RNF182: variants seen among roughly 807,000 people sequenced by gnomAD.
The protein encoded by RNF182 is ring finger protein 182, also known as E3 ubiquitin-protein ligase RNF182.
A neutral mutation model predicts 14.4 loss-of-function variants in RNF182; 15 were observed. The observed-to-expected ratio is 1.04, with a 90% CI of 0.70 to 1.60. The LOEUF (loss-of-function observed/expected upper bound fraction) is 1.60. Among genes scored for constraint, RNF182 ranks in the 40% most tolerant of loss-of-function variants. The probability of loss-of-function intolerance (pLI) is 0.00; values close to 1 mark genes in which losing one functional copy is unlikely to be tolerated. For missense variants in RNF182, 268 were observed against 294.8 expected, an observed-to-expected ratio of 0.91 and a Z score of 0.67; for synonymous variants, 128 against 122.9, an observed-to-expected ratio of 1.04 and a Z score of -0.27.
chr6:13,960,583 A>C (rs1340126411), intron 1 of RNF182, among the ~76,000 whole-genome samples: 1 of 152,136 alleles, frequency 6.6e-6, no homozygotes. Flanking sequence ...AAATGTATTG[A>C]TGAAGGACAG....
intron 1 of RNF182, chr6:13,949,433 A>G: frequency 1.4e-6 from 1 of 713,272 alleles, no homozygotes; most frequent in Non-Finnish European, 2.6e-6. Context: ...TGTCATCTAT[A>G]GGTTTCTTTG....
rs1002747395 is a variant in RNF182 at position 13,925,026 on chromosome 6, A to G, written c.-367+3A>G. Reference sequence around the variant, plus strand: ...GGCCCTGGGCCGCCGCCGGCCAGGTAAGGCGATCGCGCCCGCGGCCGGGGA... The same window carrying G: ...GGCCCTGGGCCGCCGCCGGCCAGGTGAGGCGATCGCGCCCGCGGCCGGGGA... On this transcript the variant is annotated splice_donor_region_variant and intron_variant, in intron 1 of 2. Transcript: ENST00000488300. The G allele has an allele frequency of 2.7e-4, 1 of 3,678 alleles. No homozygotes were observed. Among genetic ancestry groups the G allele is most frequent in the Non-Finnish European group, 6.2e-4 (1 of 1,618 alleles). The allele number at this position is 3,678 out of a possible 1,614,324, so 0.2% of individuals were successfully genotyped here.
chr6:13,928,474 G>A (rs916123600), intron 1 of RNF182, among the ~76,000 whole-genome samples: 132 of 151,900 alleles, frequency 8.7e-4, no homozygotes, highest in Non-Finnish European at 1.5e-3. Flanking sequence ...TTTGTTTTCA[G>A]CCTTCCTTTT....
At chr6:13,967,784 C>A (rs2113640071) in intron 1 of RNF182, among the ~76,000 whole-genome samples, 1 of 152,076 alleles carries the variant, frequency 6.6e-6, no homozygotes, top group East Asian at 1.9e-4. Flanking sequence ...CCTGGCTAGT[C>A]TCAAACTCCT....
intron 1 of RNF182, among the ~76,000 whole-genome samples, chr6:13,938,888 G>A (rs541597163): frequency 1.3e-5 from 2 of 152,216 alleles, no homozygotes; most frequent in African/African-American, 4.8e-5. Flanking sequence ...TTTGAGACCA[G>A]CCTGGCCAAC....
At chr6:13,951,276 G>A (rs1759584292) in intron 1 of RNF182, among the ~76,000 whole-genome samples, 2 of 152,142 alleles carry the variant, frequency 1.3e-5, no homozygotes, top group African/African-American at 4.8e-5. Flanking sequence ...CAAGGAACAG[G>A]GTCAGGAAAG....
intron 1 of RNF182, among the ~76,000 whole-genome samples, chr6:13,941,490 C>T (rs903593121): frequency 6.6e-6 from 1 of 152,020 alleles, no homozygotes; most frequent in Non-Finnish European, 1.5e-5. Flanking sequence ...CTTATCTCAC[C>T]TGACAGTCTT....
Position 13,978,058 on chromosome 6 carries a change from A to G in RNF182, c.*195A>G. ...TGTTCATTTCTACTTAGGGGTTAGC[A>G]AAATTGTATAAGCTCACACTTCATG... On this transcript the variant is annotated 3_prime_UTR_variant, in exon 3 of 3. Coordinates refer to ENST00000488300, the MANE Select transcript of RNF182 (RefSeq NM_152737.4). 3.4e-6 allele frequency: 2 copies of G among 581,920 alleles called. No individual in the cohort carries two copies. Among genetic ancestry groups the G allele is most frequent in the Non-Finnish European group, 6.0e-6 (2 of 331,340 alleles). The allele number at this position is 581,920 out of a possible 1,614,324, so 36.0% of individuals were successfully genotyped here. A position where few individuals can be genotyped will look rare whatever the true frequency, so the allele number is the denominator to read the frequency against.
intron 1 of RNF182, among the ~76,000 whole-genome samples, chr6:13,960,889 T>C (rs917111029): frequency 6.6e-6 from 1 of 152,128 alleles, no homozygotes; most frequent in African/African-American, 2.4e-5. Context: ...AGGAAGAAAT[T>C]AATAGGAAAG....
chr6:13,956,312 C>CTT (rs200201661), intron 1 of RNF182, among the ~76,000 whole-genome samples: 1 of 140,058 alleles, frequency 7.1e-6, no homozygotes, highest in Non-Finnish European at 1.6e-5. Flanking sequence ...CTGTTCTTTG[C>CTT]TTTTTTTTTT....
intron 1 of RNF182, among the ~76,000 whole-genome samples, chr6:13,931,012 G>C (rs761023450): frequency 6.6e-6 from 1 of 151,922 alleles, no homozygotes; most frequent in Admixed American, 6.6e-5. Flanking sequence ...GGAAAGAGTG[G>C]CAGTTGAGGA....
chr6:13,971,878 A>C (rs1340232105), intron 1 of RNF182, among the ~76,000 whole-genome samples: 1 of 152,184 alleles, frequency 6.6e-6, no homozygotes, highest in Non-Finnish European at 1.5e-5. Context: ...GAGAGAGATG[A>C]TTTAGGGTAT....
Position 13,978,230 on chromosome 6 carries a change from G to T in RNF182, c.*367G>T. ...TCATGGATGTTCTATGATGGCAGTTGGACACAAGAGGAAAGTTGCTCTGAG... is the reference window on the plus strand; with the variant it reads ...TCATGGATGTTCTATGATGGCAGTTTGACACAAGAGGAAAGTTGCTCTGAG... On this transcript the variant is annotated 3_prime_UTR_variant, in exon 3 of 3. Transcript: ENST00000488300. 5.3e-6 allele frequency: 1 copy of T among 189,992 alleles called. No individual in the cohort carries two copies. The highest frequency in any genetic ancestry group is 1.2e-5 in the Non-Finnish European group (1 of 81,436). 11.8% of individuals were successfully genotyped at this position (189,992 alleles called of 1,614,324 possible).
intron 1 of RNF182, among the ~76,000 whole-genome samples, chr6:13,930,706 T>C (rs1306203128): frequency 1.3e-5 from 2 of 152,220 alleles, no homozygotes; most frequent in Non-Finnish European, 2.9e-5. Context: ...TGTAGGTTCT[T>C]TTAATAGTAA....
intron 1 of RNF182, among the ~76,000 whole-genome samples, chr6:13,938,412 G>C (rs577690959): frequency 7.2e-5 from 11 of 151,924 alleles, no homozygotes; most frequent in Non-Finnish European, 1.6e-4. Flanking sequence ...ACTGTAGCTT[G>C]CTTTTAACTC....
intron 1 of RNF182, among the ~76,000 whole-genome samples, chr6:13,963,987 T>C (rs1448114898): frequency 4.7e-5 from 7 of 150,376 alleles, no homozygotes. Flanking sequence ...GGTAATATCA[T>C]GAAAAAGTGG....
intron 1 of RNF182, among the ~76,000 whole-genome samples, chr6:13,943,049 G>A (rs1467248589): frequency 1.3e-5 from 2 of 152,146 alleles, no homozygotes; most frequent in Non-Finnish European, 2.9e-5. Context: ...TGGTAGATTA[G>A]TAGATACAAA....
At position 13,977,472 on chromosome 6, in the gene RNF182, T is replaced by C. The variant is rs1205963574; in HGVS notation, c.353T>C (p.Leu118Pro). The C allele has an allele frequency of 1.9e-6, 3 of 1,614,162 alleles. No homozygotes were observed. Among genetic ancestry groups the C allele is most frequent in the South Asian group, 1.1e-5 (1 of 91,076 alleles). ...LLLTPKRLAS[L>P]VSPSHTSSNC... ...CTCACCCCCAAGAGGCTGGCCTCTC[T>C]GGTCAGTCCTTCTCACACGTCCTCC... The change falls in exon 3 of 3, where the codon CTG (leucine) becomes CCG (proline). Residue 118 changes from leucine (L) to proline (P), a missense_variant. Transcript: ENST00000488300.
chr6:13,930,284 A>G (rs775850117), intron 1 of RNF182, among the ~76,000 whole-genome samples: 2 of 152,240 alleles, frequency 1.3e-5, no homozygotes, highest in Non-Finnish European at 2.9e-5. Flanking sequence ...ATGTTATACC[A>G]GGGACTTGAG....
Sources: gnomAD v4.1 joint callset for allele counts (sites outside exome capture counted in the v4.1 genomes callset) on GRCh38, gnomAD v4.1.1 for gene constraint, MANE v1.5 for transcripts, NCBI Gene and HGNC (gene_info 2026-07-23, HGNC 2026-07-21) for gene names.